The following GPD2 variants were observed in gnomAD, a reference collection of about 807,000 sequenced individuals.
GPD2 encodes the protein glycerol-3-phosphate dehydrogenase 2.
In GPD2, 54 loss-of-function variants were observed where a neutral mutation model predicts 82.4. That is an observed-to-expected ratio of 0.66 (90% CI 0.53 to 0.82). GPD2 has a LOEUF of 0.82. GPD2 is among the 40% of genes least tolerant of loss of function. GPD2 has a pLI of 0.00. For missense variants in GPD2, 748 were observed against 896.2 expected (o/e 0.83, Z 2.11); for synonymous variants, 288 against 306.1 (o/e 0.94, Z 0.62).
At chr2:156,479,499 A>C (rs1683643267) in intron 2 of GPD2, among the ~76,000 whole-genome samples, 1 of 152,162 alleles carries the variant, frequency 6.6e-6, no homozygotes, top group Non-Finnish European at 1.5e-5. Context: ...AGCCAAGTGA[A>C]CTCTAGAGGT....
the GPD2 span, among the ~76,000 whole-genome samples, chr2:156,414,725 A>T: frequency 6.6e-6 from 1 of 152,168 alleles, no homozygotes; most frequent in Non-Finnish European, 1.5e-5. Flanking sequence ...TTCAAATGTT[A>T]TTGGGACTAG....
At chr2:156,534,116 A>G (rs1456635692) in intron 6 of GPD2, among the ~76,000 whole-genome samples, 2 of 152,154 alleles carry the variant, frequency 1.3e-5, no homozygotes, top group East Asian at 3.9e-4. Flanking sequence ...CTCTCAGCAG[A>G]TGGATGGGGA....
At chr2:156,440,556 C>T (rs147357146) in intron 1 of GPD2, among the ~76,000 whole-genome samples, 33 of 152,302 alleles carry the variant, frequency 2.2e-4, no homozygotes, top group African/African-American at 7.2e-4. Flanking sequence ...TCGTTAGAGA[C>T]TCTTACTAGT....
chr2:156,494,276 T>A (rs1021624818), intron 2 of GPD2, among the ~76,000 whole-genome samples: 10 of 152,252 alleles, frequency 6.6e-5, no homozygotes, highest in African/African-American at 2.4e-4. Flanking sequence ...GCAACAACTC[T>A]GGTGGTTACT....
At chr2:156,581,407 A>T (rs1030999240) in intron 16 of GPD2, among the ~76,000 whole-genome samples, 5 of 152,156 alleles carry the variant, frequency 3.3e-5, no homozygotes, top group Non-Finnish European at 5.9e-5. Flanking sequence ...TCTATGGCTT[A>T]AAAAACCTCT....
chr2:156,454,060 G>A (rs1682708615), intron 1 of GPD2, among the ~76,000 whole-genome samples: 1 of 152,170 alleles, frequency 6.6e-6, no homozygotes, highest in Non-Finnish European at 1.5e-5. Context: ...TAAGACTTTT[G>A]AAAGAGGATA....
At chr2:156,468,670 C>T (rs147283334) in intron 1 of GPD2, among the ~76,000 whole-genome samples, 5 of 152,106 alleles carry the variant, frequency 3.3e-5, no homozygotes, top group African/African-American at 4.8e-5. Flanking sequence ...GAGCATGGAT[C>T]GCTTTTATTT....
Position 156,582,973 on chromosome 2 carries a change from A to G in GPD2, c.*55A>G. On this transcript the variant is annotated 3_prime_UTR_variant, in exon 17 of 17. Transcript: ENST00000438166. ...CATAGAAACGACAAATCACCATGTA[A>G]CAACCAGAGATGACTGAAACCACTC... 1.3e-6 allele frequency: 2 copies of G among 1,591,924 alleles called. No individual in the cohort carries two copies. Among genetic ancestry groups the G allele is most frequent in the Non-Finnish European group, 1.7e-6 (2 of 1,160,968 alleles).
intron 6 of GPD2, among the ~76,000 whole-genome samples, chr2:156,545,211 AT>A (rs1269405131): frequency 2.6e-5 from 4 of 152,168 alleles, no homozygotes; most frequent in Non-Finnish European, 5.9e-5. Context: ...AGAAAGGGAC[AT>A]TTTGAATATA....
At chr2:156,512,413 T>A in intron 5 of GPD2, 96 bp downstream of exon 5, 1 of 768,950 alleles carries the variant, frequency 1.3e-6, no homozygotes, top group Non-Finnish European at 2.4e-6. Flanking sequence ...TATTTCATAA[T>A]GTGGTTTTAA....
At chr2:156,497,836 C>G (rs957174648) in intron 3 of GPD2, among the ~76,000 whole-genome samples, 9 of 152,164 alleles carry the variant, frequency 5.9e-5, no homozygotes, top group African/African-American at 2.2e-4. Flanking sequence ...TTTCTGTCTC[C>G]AACCATGAAA....
intron 1 of GPD2, among the ~76,000 whole-genome samples, chr2:156,472,345 G>A (rs1039613495): frequency 1.3e-5 from 2 of 152,018 alleles, no homozygotes; most frequent in African/African-American, 4.8e-5. Flanking sequence ...TTTTGAGACA[G>A]GGTCTTACTC....
rs1183477103 is a variant in GPD2 at position 156,439,532 on chromosome 2, AAAAAAAAC to A, written c.-9+3027_-9+3034del. ...GTCTCAGAAAAAAAAAAAAAAAAAA[AAAAAAAAC>A]AAAAAAAAAAAAACAAGCCAGGCAG... On this transcript the variant is annotated intron_variant, in intron 1 of 16. Coordinates refer to ENST00000438166, the MANE Select transcript of GPD2 (RefSeq NM_000408.5). 3.4e-4 allele frequency among the ~76,000 whole-genome samples: 40 copies of A among 116,690 alleles called. 1 individual carries two copies. Among genetic ancestry groups the A allele is most frequent in the East Asian group, 9.5e-4 (4 of 4,202 alleles). The allele number at this position is 116,690 out of a possible 152,430, so 76.6% of individuals were successfully genotyped here. A position where few individuals can be genotyped will look rare whatever the true frequency, so the allele number is the denominator to read the frequency against.
In GPD2 at chr2:156,569,385, G is replaced by A. The variant is rs1260148328; in HGVS notation, c.1323G>A (p.Arg441=). The A allele has an allele frequency of 1.9e-6, 3 of 1,610,232 alleles. No individual in the cohort carries two copies. In the African/African-American group the frequency reaches 4.0e-5, roughly 22 times the overall value. Residue 441 remains arginine, a synonymous_variant, in exon 11 of 17, where the codon CGG becomes CGA. Coordinates refer to ENST00000438166, the MANE Select transcript of GPD2 (RefSeq NM_000408.5). ...TAGGTGGAAAGTGGACAACTTATCG[G>A]TCTATGGCAGAAGATACCATAAATG... The part of the protein sequence containing the change: ...TIAGGKWTTY[R]SMAEDTINAA...
chr2:156,459,706 A>AAAAAAAAAAAAAAAAAAAAAAAAAG (rs1553465808), intron 1 of GPD2, among the ~76,000 whole-genome samples: 1 of 148,854 alleles, frequency 6.7e-6, no homozygotes, highest in Non-Finnish European at 1.5e-5. Context: ...AAAAAAAAAA[A>AAAAAAAAAAAAAAAAAAAAAAAAAG]AAAGAAAGAA....
intron 6 of GPD2, among the ~76,000 whole-genome samples, chr2:156,518,787 G>A (rs1442902718): frequency 6.6e-6 from 1 of 152,104 alleles, no homozygotes; most frequent in Non-Finnish European, 1.5e-5. Flanking sequence ...AATGAATTGG[G>A]TGTTACCTAC....
At position 156,496,175 on chromosome 2, in the gene GPD2, A is replaced by G. The variant is rs1485023979; in HGVS notation, c.234A>G (p.Gly78=). The G allele has an allele frequency of 1.2e-6, 2 of 1,612,634 alleles. No individual in the cohort carries two copies. Among genetic ancestry groups the G allele is most frequent in the African/African-American group, 2.7e-5 (2 of 74,878 alleles). ...TTGATATCCTTGTTATTGGAGGAGGAGCAACAGGAAGTGGCTGTGCGCTAG... is the reference window on the plus strand; with the variant it reads ...TTGATATCCTTGTTATTGGAGGAGGGGCAACAGGAAGTGGCTGTGCGCTAG... ...SEFDILVIGG[G]ATGSGCALDA... The change falls in exon 3 of 17, where the codon GGA becomes GGG. Residue 78 remains glycine, a synonymous_variant. Transcript: ENST00000438166.
intron 6 of GPD2, among the ~76,000 whole-genome samples, chr2:156,530,773 G>A (rs1685824179): frequency 6.6e-6 from 1 of 152,152 alleles, no homozygotes; most frequent in Non-Finnish European, 1.5e-5. Flanking sequence ...GCATCCCAGG[G>A]ATGAAGCCCA....
At position 156,476,221 on chromosome 2, in the gene GPD2, C is replaced by T. The variant is rs373900169; in HGVS notation, c.102+14C>T. On this transcript the variant is annotated intron_variant, in intron 2 of 16. Coordinates refer to ENST00000438166, the MANE Select transcript of GPD2 (RefSeq NM_000408.5). ...AGAAGGAAACAAGTAAGTAACTGTACTTGTGTTGATTACAGTATGCAACTT... is the reference window on the plus strand; with the variant it reads ...AGAAGGAAACAAGTAAGTAACTGTATTTGTGTTGATTACAGTATGCAACTT... 5 of 1,368,698 alleles carry T rather than the reference C, an allele frequency of 3.7e-6. No homozygotes were observed. The highest frequency in any genetic ancestry group is 4.2e-6 in the Non-Finnish European group (4 of 956,096). 84.8% of individuals were successfully genotyped at this position (1,368,698 alleles called of 1,614,324 possible).
Sources: allele counts gnomAD v4.1 joint callset (sites outside exome capture counted in the v4.1 genomes callset), GRCh38; gene constraint gnomAD v4.1.1; transcripts MANE v1.5; gene names NCBI Gene and HGNC (gene_info 2026-07-23, HGNC 2026-07-21).